The following TRPV5 variants were observed in gnomAD, a reference collection of about 807,000 sequenced individuals.
The protein encoded by TRPV5 is calcium transport protein 2.
In TRPV5, 66 loss-of-function variants were observed where a neutral mutation model predicts 74.1. The ratio of observed to expected loss-of-function variants is 0.89; its 90% CI spans 0.73 to 1.09. The LOEUF is 1.09. Among genes scored for constraint, TRPV5 ranks in the 50% least tolerant of loss-of-function variants. TRPV5 has a pLI of 0.00. For synonymous variants in TRPV5, 399 were observed against 360.7 expected (o/e 1.11, Z -1.20); for missense variants, 936 against 930.4 (o/e 1.01, Z -0.08).
intron 12 of TRPV5, among the ~76,000 whole-genome samples, chr7:142,914,360 C>T (rs1237546496): frequency 6.6e-6 from 1 of 152,114 alleles, no homozygotes; most frequent in Non-Finnish European, 1.5e-5. Context: ...AAGTCTTTTC[C>T]TGTCTCTCCT....
chr7:142,919,983 T>A (rs1167877719), intron 8 of TRPV5, among the ~76,000 whole-genome samples: 1 of 152,208 alleles, frequency 6.6e-6, no homozygotes, highest in Non-Finnish European at 1.5e-5. Flanking sequence ...TACAAAGAGC[T>A]TCTCCGATTC....
intron 13 of TRPV5, among the ~76,000 whole-genome samples, chr7:142,910,392 C>T (rs764517609): frequency 6.6e-6 from 1 of 152,302 alleles, no homozygotes; most frequent in Non-Finnish European, 1.5e-5. Flanking sequence ...TGCTAAAAGA[C>T]CTGACTCAGC....
At chr7:142,925,127 C>T (rs969454317) in intron 8 of TRPV5, 1 of 375,402 alleles carries the variant, frequency 2.7e-6, no homozygotes, top group East Asian at 5.1e-5. Context: ...GCCAGCAGGG[C>T]TGTCTGTGTT....
At chr7:142,929,236 G>T in intron 4 of TRPV5, 116 bp from the exon 5 acceptor site, 1 of 1,481,862 alleles carries the variant, frequency 6.7e-7, no homozygotes, top group South Asian at 1.3e-5. Context: ...TAGGCTGAGG[G>T]ACACTCGTCC....
At chr7:142,923,603 A>C (rs1795919198) in intron 8 of TRPV5, among the ~76,000 whole-genome samples, 2 of 152,166 alleles carry the variant, frequency 1.3e-5, no homozygotes, top group Non-Finnish European at 2.9e-5. Context: ...CTTTGAGCTG[A>C]AGTGGCTTTC....
intron 12 of TRPV5, among the ~76,000 whole-genome samples, chr7:142,914,124 A>G (rs1795751304): frequency 6.6e-6 from 1 of 152,088 alleles, no homozygotes; most frequent in South Asian, 2.1e-4. Flanking sequence ...AAACTGTCCA[A>G]GCTGTTTTTC....
chr7:142,931,711 A>AT (rs990271958), intron 1 of TRPV5, among the ~76,000 whole-genome samples: 3 of 151,748 alleles, frequency 2.0e-5, no homozygotes, highest in East Asian at 1.9e-4. Context: ...TTATTTATTT[A>AT]TTTTTTTTGA....
At chr7:142,921,087 G>A (rs1010320069) in intron 8 of TRPV5, among the ~76,000 whole-genome samples, 8 of 152,226 alleles carry the variant, frequency 5.3e-5, no homozygotes, top group Non-Finnish European at 1.0e-4. Flanking sequence ...TCAAATAGCA[G>A]TGGTGCTTTG....
Position 142,928,776 on chromosome 7 carries a change from C to T in TRPV5, c.677G>A (p.Gly226Glu). 2 of 1,614,142 alleles carry T rather than the reference C, an allele frequency of 1.2e-6. No homozygotes were observed. The highest frequency in any genetic ancestry group is 1.7e-6 in the Non-Finnish European group (2 of 1,179,992). ...AAGGTCCAGGGGCTGCAGGTGGTCC[C>T]CATGTCCATCATAGGACAGCAGCAG... ...YNLLLSYDGH[G>E]DHLQPLDLVP... Residue 226 changes from glycine to glutamate, a missense_variant, in exon 6 of 15, where the codon GGG becomes GAG. Coordinates refer to ENST00000265310, the MANE Select transcript of TRPV5 (RefSeq NM_019841.7).
intron 7 of TRPV5, 40 bp from the exon 8 acceptor site, chr7:142,925,781 A>C (rs764898942): frequency 6.4e-7 from 1 of 1,573,410 alleles, no homozygotes; most frequent in African/African-American, 1.4e-5. Flanking sequence ...TGACCAACAC[A>C]GAAGGATGTT....
chr7:142,933,264 A>C, intron 1 of TRPV5, 68 bp downstream of exon 1: 1 of 1,580,960 alleles, frequency 6.3e-7, no homozygotes, highest in South Asian at 1.2e-5. Context: ...TTCGGAAAGC[A>C]GGCCCAGGTG....
intron 8 of TRPV5, 43 bp downstream of exon 8, chr7:142,925,486 C>G (rs1480874925): frequency 1.2e-6 from 2 of 1,604,192 alleles, no homozygotes; most frequent in Non-Finnish European, 1.7e-6. Flanking sequence ...GCACCATCAC[C>G]CCTTGATGCA....
intron 5 of TRPV5, 68 bp from the exon 6 acceptor site, chr7:142,928,934 G>T (rs1449281828): frequency 6.8e-6 from 11 of 1,611,592 alleles, no homozygotes; most frequent in Admixed American, 1.7e-5. Flanking sequence ...CCCCACTCTG[G>T]GGTCTTCCTA....
In TRPV5 at chr7:142,912,637, C is replaced by A. The variant is rs748929030; in HGVS notation, c.1633G>T (p.Ala545Ser). ...AAGGGCAAGTCCACGTCGTAGTTGG[C>A]AGGTGCATCAATAACAGTGAGAAAA... Reference protein sequence around the residue: ...ELFLTVIDAPANYDVDLPFMF... With the variant: ...ELFLTVIDAPSNYDVDLPFMF... Residue 545 changes from alanine to serine, a missense_variant, in exon 13 of 15, where the codon GCC (alanine) becomes TCC (serine). Coordinates refer to ENST00000265310, the MANE Select transcript of TRPV5 (RefSeq NM_019841.7). The A allele has an allele frequency of 6.2e-7, 1 of 1,614,212 alleles. No homozygotes were observed. The highest frequency in any genetic ancestry group is 1.1e-5 in the South Asian group (1 of 91,080).
chr7:142,929,086 G>A lies in TRPV5; in HGVS notation c.522C>T (p.Asn174=). Residue 174 remains asparagine (N), a synonymous_variant, in exon 5 of 15, where the codon AAC becomes AAT. Transcript: ENST00000265310. ...EHPLSFAACV[N]SEEIVRLLIE... ...TGAGCAGCCGCACGATCTCCTCGCT[G>A]TTCACACAGGCAGCAAAGGACAAAG... 6.2e-7 allele frequency: 1 copy of A among 1,614,136 alleles called. No individual in the cohort carries two copies. Among genetic ancestry groups the A allele is most frequent in the Non-Finnish European group, 8.5e-7 (1 of 1,180,012 alleles).
chr7:142,912,840 C>CTA, intron 12 of TRPV5, 90 bp from the exon 13 acceptor site: 1 of 755,366 alleles, frequency 1.3e-6, no homozygotes, highest in Non-Finnish European at 2.1e-6. Flanking sequence ...TATCTCTGAT[C>CTA]TATCTATCTA....
rs142580718 is a variant in TRPV5, at chr7:142,913,333, C to T, written c.1520-583G>A. On this transcript the variant is annotated intron_variant, in intron 12 of 14. Coordinates refer to ENST00000265310, the MANE Select transcript of TRPV5 (RefSeq NM_019841.7). ...TGAGCGTAAGGGAACTTCAGGACAGCGCTGGACTGCTTGAAAGCCTCCTCA... is the reference window on the plus strand; with the variant it reads ...TGAGCGTAAGGGAACTTCAGGACAGTGCTGGACTGCTTGAAAGCCTCCTCA... 3.8e-3 allele frequency among the ~76,000 whole-genome samples: 574 copies of T among 152,314 alleles called. 3 individuals carry two copies. Among genetic ancestry groups the T allele is most frequent in the African/African-American group, 0.013 (556 of 41,558 alleles).
At chr7:142,929,691 G>T in intron 3 of TRPV5, 126 bp from the exon 4 acceptor site, 1 of 1,429,066 alleles carries the variant, frequency 7.0e-7, no homozygotes, top group Non-Finnish European at 9.4e-7. Context: ...CCCTGGGCTT[G>T]GCAGGGTGGC....
chr7:142,919,906 CT>C (rs967317423), intron 8 of TRPV5, among the ~76,000 whole-genome samples: 12 of 152,284 alleles, frequency 7.9e-5, no homozygotes, highest in South Asian at 2.1e-4. Flanking sequence ...AGCTCTAGAC[CT>C]TTTTCCCCCC....
Sources: allele counts gnomAD v4.1 joint callset (sites outside exome capture counted in the v4.1 genomes callset), GRCh38; gene constraint gnomAD v4.1.1; transcripts MANE v1.5; gene names NCBI Gene and HGNC (gene_info 2026-07-23, HGNC 2026-07-21).